Variants in PTPRJ observed in about 807,000 individuals in gnomAD.
PTPRJ encodes the protein receptor-type tyrosine-protein phosphatase eta.
In PTPRJ, 129 loss-of-function variants were observed where a neutral mutation model predicts 141.3. The observed-to-expected ratio is 0.91, with a 90% CI of 0.79 to 1.06. The LOEUF is 1.06. Ranked by LOEUF, PTPRJ falls within the 50% of genes least tolerant of loss-of-function variation. The pLI is 0.00. For synonymous variants in PTPRJ, 610 were observed against 640.5 expected (o/e 0.95, Z 0.72); for missense variants, 1,601 against 1,679.7 (o/e 0.95, Z 0.82).
At chr11:48,024,425 T>G (rs1853751413) in intron 1 of PTPRJ, among the ~76,000 whole-genome samples, 1 of 152,222 alleles carries the variant, frequency 6.6e-6, no homozygotes. Flanking sequence ...CTCGAACTCC[T>G]GACCTCAAGT....
Position 47,980,887 on chromosome 11 carries a change from G to C in PTPRJ, c.-26G>C, listed in dbSNP as rs1470496552. 6.2e-6 allele frequency: 7 copies of C among 1,129,062 alleles called. No homozygotes were observed. The highest frequency in any genetic ancestry group is 4.9e-5 in the Admixed American group (1 of 20,314). 69.9% of individuals were successfully genotyped at this position (1,129,062 alleles called of 1,614,324 possible). A position where few individuals can be genotyped will look rare whatever the true frequency, so the allele number is the denominator to read the frequency against. ...ACGGCGGGGCCCGATTCGCGCGTCC[G>C]GGGCACGTTCCAGGGCGCGCGGGGC... On this transcript the variant is annotated 5_prime_UTR_variant, in exon 1 of 25. Transcript: ENST00000418331.
chr11:48,000,870 G>T (rs113624406), intron 1 of PTPRJ, among the ~76,000 whole-genome samples: 235 of 151,988 alleles, frequency 1.5e-3, no homozygotes, highest in African/African-American at 5.4e-3. Flanking sequence ...AGGACAGAGC[G>T]TGCCTCAAAA....
chr11:48,042,783 T>TGA (rs1206894322), intron 1 of PTPRJ, among the ~76,000 whole-genome samples: 6 of 150,992 alleles, frequency 4.0e-5, no homozygotes, highest in African/African-American at 9.8e-5. Flanking sequence ...TGTGTGTGTG[T>TGA]GTGAGAGAGA....
chr11:48,166,686 G>T (rs1857925834), intron 24 of PTPRJ, among the ~76,000 whole-genome samples: 1 of 151,968 alleles, frequency 6.6e-6, no homozygotes, highest in South Asian at 2.1e-4. Flanking sequence ...ATATTTTTCT[G>T]TGTCAGCTTA....
At chr11:48,065,102 C>T (rs1324570831) in intron 1 of PTPRJ, among the ~76,000 whole-genome samples, 1 of 140,022 alleles carries the variant, frequency 7.1e-6, no homozygotes, top group East Asian at 2.2e-4. Context: ...GCAACCTCTT[C>T]TTCCCAGGTT....
At chr11:48,021,559 C>T (rs902095046) in intron 1 of PTPRJ, among the ~76,000 whole-genome samples, 3 of 152,152 alleles carry the variant, frequency 2.0e-5, no homozygotes, top group Non-Finnish European at 2.9e-5. Flanking sequence ...AGGACAGATG[C>T]ATTGAGAATG....
chr11:48,052,954 G>C (rs1854614103), intron 1 of PTPRJ, among the ~76,000 whole-genome samples: 1 of 150,644 alleles, frequency 6.6e-6, no homozygotes, highest in Non-Finnish European at 1.5e-5. Flanking sequence ...TGAGGACCCT[G>C]GTGTGGAGTT....
intron 1 of PTPRJ, among the ~76,000 whole-genome samples, chr11:47,985,810 C>T (rs1355154985): frequency 6.6e-6 from 1 of 152,092 alleles, no homozygotes; most frequent in Non-Finnish European, 1.5e-5. Flanking sequence ...AAGCGATTCT[C>T]CTGCCTCAGC....
chr11:48,011,295 G>GATAGGA (rs1171527594), intron 1 of PTPRJ, among the ~76,000 whole-genome samples: 1 of 152,150 alleles, frequency 6.6e-6, no homozygotes. Flanking sequence ...ATGTGCACAA[G>GATAGGA]GCCTCTTGTG....
intron 1 of PTPRJ, among the ~76,000 whole-genome samples, chr11:48,042,315 A>G (rs879561251): frequency 1.3e-5 from 2 of 152,164 alleles, no homozygotes; most frequent in Non-Finnish European, 2.9e-5. Context: ...TGTTCTGCTC[A>G]TGAATAGAAC....
intron 16 of PTPRJ, 134 bp downstream of exon 16, chr11:48,149,622 T>C (rs1046493819): frequency 1.6e-6 from 1 of 630,460 alleles, no homozygotes; most frequent in East Asian, 3.0e-5. Flanking sequence ...CTGGAAGTTT[T>C]TGCTAGCTCT....
intron 8 of PTPRJ, 95 bp downstream of exon 8, chr11:48,130,811 T>G: frequency 7.7e-7 from 1 of 1,296,968 alleles, no homozygotes; most frequent in Non-Finnish European, 1.0e-6. Context: ...GTTTTTCTTT[T>G]AATTATCTAA....
chr11:48,160,756 C>T (rs759087255), intron 22 of PTPRJ, among the ~76,000 whole-genome samples: 7 of 152,088 alleles, frequency 4.6e-5, no homozygotes, highest in East Asian at 1.9e-4. Flanking sequence ...TTCAGAAAGA[C>T]GAGTCTCAGC....
At chr11:48,088,679 T>G (rs1855777642) in intron 1 of PTPRJ, among the ~76,000 whole-genome samples, 1 of 152,152 alleles carries the variant, frequency 6.6e-6, no homozygotes. Flanking sequence ...CTGAGGTCTT[T>G]CCATGTTACT....
At chr11:48,128,881 A>G (rs570997034) in intron 7 of PTPRJ, among the ~76,000 whole-genome samples, 23 of 152,350 alleles carry the variant, frequency 1.5e-4, no homozygotes, top group African/African-American at 5.5e-4. Flanking sequence ...GCATTCTTAT[A>G]GATGTATTTT....
intron 1 of PTPRJ, among the ~76,000 whole-genome samples, chr11:48,052,120 A>G (rs905183329): frequency 5.8e-4 from 89 of 152,184 alleles, no homozygotes; most frequent in Non-Finnish European, 6.0e-4. Flanking sequence ...AGTGTCTAGA[A>G]TTGCCTGTAG....
chr11:48,143,080 C>T, intron 12 of PTPRJ, 30 bp downstream of exon 12: 2 of 1,612,472 alleles, frequency 1.2e-6, no homozygotes, highest in Non-Finnish European at 1.7e-6. Context: ...GGTTAAACAG[C>T]CCATGAGTGA....
chr11:48,138,197 T>C, intron 10 of PTPRJ, among the ~76,000 whole-genome samples: 1 of 152,196 alleles, frequency 6.6e-6, no homozygotes, highest in East Asian at 1.9e-4. Context: ...GCCTCTGGCT[T>C]TTCAGTGGTG....
intron 1 of PTPRJ, among the ~76,000 whole-genome samples, chr11:47,996,386 G>A (rs1269307225): frequency 6.6e-6 from 1 of 151,738 alleles, no homozygotes; most frequent in African/African-American, 2.4e-5. Flanking sequence ...ATGGGCTTTG[G>A]TGTCAGCAGA....
Sources: allele counts gnomAD v4.1 joint callset (sites outside exome capture counted in the v4.1 genomes callset), GRCh38; gene constraint gnomAD v4.1.1; transcripts MANE v1.5; gene names NCBI Gene and HGNC (gene_info 2026-07-23, HGNC 2026-07-21).